TRDN: variants seen among roughly 807,000 people sequenced by gnomAD.
The protein encoded by TRDN is triadin.
TRDN carries 161 observed loss-of-function variants against 149.7 expected under a neutral mutation model. The ratio of observed to expected loss-of-function variants is 1.08; its 90% CI spans 0.95 to 1.23. The LOEUF is 1.23. Among genes scored for constraint, TRDN ranks in the 50% most tolerant of loss-of-function variants. TRDN has a pLI of 0.00. For synonymous variants in TRDN, 294 were observed against 250.5 expected (o/e 1.17, Z -1.64); for missense variants, 896 against 823.5 (o/e 1.09, Z -1.08).
intron 38 of TRDN, among the ~76,000 whole-genome samples, chr6:123,227,645 T>A (rs1201184718): frequency 6.6e-6 from 1 of 152,024 alleles, no homozygotes; most frequent in East Asian, 1.9e-4. Context: ...ATTTTCTACA[T>A]GCTAGGCCCT....
chr6:123,374,961 T>C (rs1368751458), intron 19 of TRDN, among the ~76,000 whole-genome samples: 1 of 152,210 alleles, frequency 6.6e-6, no homozygotes, highest in Non-Finnish European at 1.5e-5. Context: ...AAAGCTTATG[T>C]ATTTCTTCCT....
intron 4 of TRDN, among the ~76,000 whole-genome samples, chr6:123,544,944 A>G (rs999445878): frequency 6.6e-6 from 1 of 151,964 alleles, no homozygotes; most frequent in Non-Finnish European, 1.5e-5. Flanking sequence ...CCATTATTCC[A>G]TACCAAATTA....
At chr6:123,594,654 C>T (rs1783946085) in intron 1 of TRDN, among the ~76,000 whole-genome samples, 1 of 151,836 alleles carries the variant, frequency 6.6e-6, no homozygotes, top group African/African-American at 2.4e-5. Context: ...AATGATTCTA[C>T]AATAATTTAT....
intron 24 of TRDN, among the ~76,000 whole-genome samples, chr6:123,298,902 A>G (rs1169844919): frequency 2.0e-5 from 3 of 152,088 alleles, no homozygotes; most frequent in African/African-American, 7.2e-5. Flanking sequence ...CAAAACATGT[A>G]TAAGTTTATA....
chr6:123,254,933 A>T (rs1247537094), intron 37 of TRDN, 148 bp downstream of exon 37: 1 of 596,408 alleles, frequency 1.7e-6, no homozygotes, highest in Admixed American at 2.2e-5. Context: ...TTTCTGCTAG[A>T]TTTTCTACCT....
At chr6:123,633,239 T>C (rs1786107649) in intron 1 of TRDN, among the ~76,000 whole-genome samples, 1 of 152,226 alleles carries the variant, frequency 6.6e-6, no homozygotes, top group East Asian at 1.9e-4. Context: ...GGACTGTTTA[T>C]AGCCCTAAAC....
rs2114489266 is a variant in TRDN at position 123,216,475 on chromosome 6, C to A, written c.*2126G>T. The A allele has an allele frequency of 6.6e-6, 1 of 151,828 alleles. No individual in the cohort carries two copies. Among genetic ancestry groups the A allele is most frequent in the Non-Finnish European group, 1.5e-5 (1 of 67,880 alleles). The allele number at this position is 151,828 out of a possible 1,614,324, so 9.4% of individuals were successfully genotyped here. A position where few individuals can be genotyped will look rare whatever the true frequency, so the allele number is the denominator to read the frequency against. ...TATTATTAACATTTTTACATTATAG[C>A]TGATTTGTCTAAATTCTAATTACAA... On this transcript the variant is annotated 3_prime_UTR_variant, in exon 41 of 41. Transcript: ENST00000334268.
At chr6:123,574,148 A>C (rs189246218) in intron 1 of TRDN, among the ~76,000 whole-genome samples, 124 of 152,164 alleles carry the variant, frequency 8.1e-4, no homozygotes, top group African/African-American at 3.0e-3. Context: ...TTTTCAAAAA[A>C]TTCAAAAGCT....
intron 4 of TRDN, among the ~76,000 whole-genome samples, chr6:123,530,891 A>G (rs960526420): frequency 6.6e-6 from 1 of 152,002 alleles, no homozygotes; most frequent in Non-Finnish European, 1.5e-5. Flanking sequence ...TACTCTCAAT[A>G]CAAATTAAGA....
chr6:123,258,698 T>A (rs1776649012), intron 35 of TRDN, among the ~76,000 whole-genome samples: 2 of 152,244 alleles, frequency 1.3e-5, no homozygotes, highest in East Asian at 3.9e-4. Flanking sequence ...TTGGAGTCAT[T>A]TTAGAAGGAA....
intron 38 of TRDN, among the ~76,000 whole-genome samples, chr6:123,249,821 G>A (rs906382458): frequency 1.3e-5 from 2 of 152,010 alleles, no homozygotes; most frequent in African/African-American, 4.8e-5. Flanking sequence ...ATCAAAACAA[G>A]AGAAAGAAAT....
intron 19 of TRDN, among the ~76,000 whole-genome samples, chr6:123,369,375 T>C (rs921735285): frequency 1.3e-5 from 2 of 152,086 alleles, no homozygotes; most frequent in Admixed American, 6.6e-5. Flanking sequence ...AGCTTCAACA[T>C]ATCTTTTGGT....
At chr6:123,544,716 A>C (rs187163440) in intron 4 of TRDN, among the ~76,000 whole-genome samples, 36 of 152,188 alleles carry the variant, frequency 2.4e-4, no homozygotes, top group African/African-American at 8.2e-4. Context: ...TTGGGGTCTC[A>C]TCATGAAGTG....
At chr6:123,433,172 T>TATATATATATATATATATAC (rs1774409853) in intron 12 of TRDN, among the ~76,000 whole-genome samples, 1 of 112,862 alleles carries the variant, frequency 8.9e-6, no homozygotes, top group Non-Finnish European at 1.8e-5. Flanking sequence ...AATATATATA[T>TATATATATATATATATATAC]ATATATATAT....
chr6:123,428,891 C>G (rs1583008064), intron 12 of TRDN, among the ~76,000 whole-genome samples: 1 of 152,016 alleles, frequency 6.6e-6, no homozygotes, highest in African/African-American at 2.4e-5. Context: ...TGATCTATGT[C>G]CAACATTAAG....
intron 2 of TRDN, among the ~76,000 whole-genome samples, chr6:123,569,609 T>C (rs1461465279): frequency 6.6e-6 from 1 of 152,194 alleles, no homozygotes; most frequent in Non-Finnish European, 1.5e-5. Context: ...GGAATCATGA[T>C]GCTGGTGTCT....
At chr6:123,549,219 G>A (rs1583225743) in intron 2 of TRDN, among the ~76,000 whole-genome samples, 1 of 152,162 alleles carries the variant, frequency 6.6e-6, no homozygotes, top group East Asian at 1.9e-4. Context: ...TAACTTCAAT[G>A]GATAGAATCT....
At chr6:123,602,114 T>C (rs1784308134) in intron 1 of TRDN, among the ~76,000 whole-genome samples, 1 of 152,108 alleles carries the variant, frequency 6.6e-6, no homozygotes, top group Admixed American at 6.6e-5. Flanking sequence ...GTTTACATTC[T>C]AGTGAGGAGA....
chr6:123,494,598 CTCA>C lies in TRDN; in HGVS notation c.853+2592_853+2594del, dbSNP rs757316209. ...CATGTTAGTCATTTATTAATTCATG[CTCA>C]TCAACAACATAGATTCGTCTCATCT... On this transcript the variant is annotated intron_variant, in intron 9 of 40. Coordinates refer to ENST00000334268, the MANE Select transcript of TRDN (RefSeq NM_006073.4). Among the ~76,000 whole-genome samples the C allele has an allele frequency of 2.0e-5, 3 of 152,116 alleles. No individual in the cohort carries two copies. The East Asian group carries it at 5.8e-4, about 29-fold the overall frequency.
Sources: allele counts gnomAD v4.1 joint callset (sites outside exome capture counted in the v4.1 genomes callset), GRCh38; gene constraint gnomAD v4.1.1; transcripts MANE v1.5; gene names NCBI Gene and HGNC (gene_info 2026-07-23, HGNC 2026-07-21).